Variants in CALCR observed in about 807,000 individuals in gnomAD.
The protein encoded by CALCR is calcitonin receptor.
CALCR carries 47 observed loss-of-function variants against 59.5 expected under a neutral mutation model. That is an observed-to-expected ratio of 0.79 (90% CI 0.63 to 1.01). CALCR has a LOEUF of 1.01. Among genes scored for constraint, CALCR ranks in the 50% least tolerant of loss-of-function variants. The pLI is 0.00. For synonymous variants in CALCR, 213 were observed against 211.3 expected (o/e 1.01, Z -0.07); for missense variants, 566 against 597.1 (o/e 0.95, Z 0.54).
At chr7:93,547,646 G>T (rs1584622976) in intron 2 of CALCR, among the ~76,000 whole-genome samples, 1 of 152,292 alleles carries the variant, frequency 6.6e-6, no homozygotes, top group African/African-American at 2.4e-5. Flanking sequence ...GTTTGAATTA[G>T]AATGCAGGTG....
At position 93,494,074 on chromosome 7, in the gene CALCR, C is replaced by T. The variant is rs141814323; in HGVS notation, c.-26-7067G>A. ...GAGAAGAAGGATATGTAGAACACCA[C>T]GGGTGGTGCCAGAATTAAAAGCCAA... On this transcript the variant is annotated intron_variant, in intron 2 of 13. Transcript: ENST00000426151. 9.3e-4 allele frequency among the ~76,000 whole-genome samples: 141 copies of T among 151,442 alleles called. 1 individual carries two copies. Among genetic ancestry groups the T allele is most frequent in the African/African-American group, 3.1e-3 (129 of 41,426 alleles).
intron 2 of CALCR, among the ~76,000 whole-genome samples, chr7:93,523,461 T>A (rs999210608): frequency 2.0e-5 from 3 of 152,216 alleles, no homozygotes; most frequent in Non-Finnish European, 4.4e-5. Flanking sequence ...GGGCAGAGAC[T>A]GTGTCTTATT....
intron 2 of CALCR, among the ~76,000 whole-genome samples, chr7:93,524,546 CTCATA>C (rs1199580363): frequency 6.6e-6 from 1 of 151,898 alleles, no homozygotes; most frequent in African/African-American, 2.4e-5. Context: ...ATTCTTATAT[CTCATA>C]TATTTTATTA....
chr7:93,478,160 C>T (rs1025562285), intron 4 of CALCR, among the ~76,000 whole-genome samples: 3 of 151,692 alleles, frequency 2.0e-5, no homozygotes, highest in East Asian at 2.0e-4. Flanking sequence ...CTGGCTTCAA[C>T]GAAATTGTTT....
chr7:93,471,762 C>T (rs1050250655), intron 6 of CALCR, among the ~76,000 whole-genome samples: 3 of 151,700 alleles, frequency 2.0e-5, no homozygotes, highest in African/African-American at 2.4e-5. Flanking sequence ...ATCATCTGTT[C>T]CCCACTCGCC....
At chr7:93,491,431 C>G (rs1291015580) in intron 2 of CALCR, among the ~76,000 whole-genome samples, 2 of 152,082 alleles carry the variant, frequency 1.3e-5, no homozygotes, top group East Asian at 3.9e-4. Context: ...TAAAGAACTT[C>G]TGCGCAGCAA....
chr7:93,447,103 G>A (rs954195716), intron 8 of CALCR, among the ~76,000 whole-genome samples: 2 of 151,930 alleles, frequency 1.3e-5, no homozygotes, highest in Non-Finnish European at 2.9e-5. Flanking sequence ...AGTTTGTTGA[G>A]CAGTATGTAA....
chr7:93,447,296 G>A (rs1044523467), intron 8 of CALCR, among the ~76,000 whole-genome samples: 7 of 151,956 alleles, frequency 4.6e-5, no homozygotes, highest in Non-Finnish European at 4.4e-5. Context: ...GAAGATAGAT[G>A]TTCAGTAGTG....
intron 5 of CALCR, among the ~76,000 whole-genome samples, chr7:93,474,469 C>G (rs1800623113): frequency 6.6e-6 from 1 of 151,578 alleles, no homozygotes; most frequent in Non-Finnish European, 1.5e-5. Flanking sequence ...CATTCCATTC[C>G]AGTGACCTAA....
rs748018172 is a variant in CALCR at position 93,479,450 on chromosome 7, T to TG, written c.108dup (p.Lys37GlnfsTer21). 5.0e-6 allele frequency: 8 copies of TG among 1,612,660 alleles called. No homozygotes were observed. The highest frequency in any genetic ancestry group is 6.8e-6 in the Non-Finnish European group (8 of 1,179,094). On this transcript the variant is annotated frameshift_variant, in exon 4 of 14. Transcript: ENST00000426151. LOFTEE classifies it high-confidence loss of function. ...CGTCCTACGACGTAAAGAAATGGCT[T>TG]GGGCTCTATTGTTGGATAGGTTTGA...
At chr7:93,521,171 A>C (rs1801756010) in intron 2 of CALCR, among the ~76,000 whole-genome samples, 1 of 152,144 alleles carries the variant, frequency 6.6e-6, no homozygotes, top group Non-Finnish European at 1.5e-5. Flanking sequence ...AGGGACTATA[A>C]GTTCTAGTAC....
chr7:93,463,055 C>T (rs1463213638), intron 7 of CALCR, among the ~76,000 whole-genome samples: 2 of 151,750 alleles, frequency 1.3e-5, no homozygotes, highest in African/African-American at 2.4e-5. Flanking sequence ...TGAGCTGTGA[C>T]CACTAAGCAA....
At chr7:93,486,028 C>T (rs553589654) in intron 3 of CALCR, among the ~76,000 whole-genome samples, 1 of 151,622 alleles carries the variant, frequency 6.6e-6, no homozygotes, top group East Asian at 1.9e-4. Flanking sequence ...GACTTGTAGG[C>T]CTATAACTAC....
At chr7:93,459,656 T>C (rs2115799162) in intron 8 of CALCR, among the ~76,000 whole-genome samples, 1 of 152,248 alleles carries the variant, frequency 6.6e-6, no homozygotes, top group Middle Eastern at 3.4e-3. Flanking sequence ...ATGTGGACAG[T>C]AGCTATTTCA....
At chr7:93,474,357 T>TA (rs532849486) in intron 5 of CALCR, among the ~76,000 whole-genome samples, 7 of 151,448 alleles carry the variant, frequency 4.6e-5, no homozygotes, top group Admixed American at 1.3e-4. Flanking sequence ...CTGGATTGTC[T>TA]AAAAAAAACC....
At chr7:93,573,977 T>A (rs1270300702) in intron 2 of CALCR, among the ~76,000 whole-genome samples, 1 of 152,246 alleles carries the variant, frequency 6.6e-6, no homozygotes, top group Non-Finnish European at 1.5e-5. Flanking sequence ...TCCTACCCAA[T>A]AAGTTGGAGA....
At chr7:93,518,651 T>C (rs913398564) in intron 2 of CALCR, among the ~76,000 whole-genome samples, 7 of 151,930 alleles carry the variant, frequency 4.6e-5, no homozygotes, top group African/African-American at 1.4e-4. Flanking sequence ...AAGATGTTTA[T>C]TGGAGCAGTT....
intron 8 of CALCR, among the ~76,000 whole-genome samples, chr7:93,453,549 T>G (rs1000056397): frequency 6.6e-6 from 1 of 152,000 alleles, no homozygotes; most frequent in Non-Finnish European, 1.5e-5. Flanking sequence ...ACCATCTCAA[T>G]TGGAAGCTCT....
intron 2 of CALCR, among the ~76,000 whole-genome samples, chr7:93,513,810 T>A (rs1338323145): frequency 6.6e-6 from 1 of 151,416 alleles, no homozygotes; most frequent in Non-Finnish European, 1.5e-5. Context: ...AATAAATATG[T>A]AGATATTTGT....
Sources: gnomAD v4.1 joint callset for allele counts (sites outside exome capture counted in the v4.1 genomes callset) on GRCh38, gnomAD v4.1.1 for gene constraint, MANE v1.5 for transcripts, NCBI Gene and HGNC (gene_info 2026-07-23, HGNC 2026-07-21) for gene names.